Variants in SGCZ observed in about 807,000 individuals in gnomAD.
SGCZ encodes sarcoglycan zeta, also known as zeta-sarcoglycan.
A neutral mutation model predicts 41.3 loss-of-function variants in SGCZ; 40 were observed. The observed-to-expected ratio is 0.97, with a 90% CI of 0.75 to 1.26. SGCZ has a LOEUF of 1.26. SGCZ is among the 50% of genes most tolerant of loss of function. SGCZ has a pLI of 0.00. For synonymous variants in SGCZ, 206 were observed against 137.5 expected (o/e 1.50, Z -3.49); for missense variants, 552 against 369.8 (o/e 1.49, Z -4.04).
At chr8:14,255,350 C>A (rs10088988) in intron 3 of SGCZ, among the ~76,000 whole-genome samples, 2 of 152,042 alleles carry the variant, frequency 1.3e-5, no homozygotes, top group African/African-American at 4.8e-5. Flanking sequence ...CCTGCTCATT[C>A]GAAGATGTTT....
chr8:15,041,574 T>C (rs911660076), intron 1 of SGCZ, among the ~76,000 whole-genome samples: 1 of 152,096 alleles, frequency 6.6e-6, no homozygotes, highest in Non-Finnish European at 1.5e-5. Flanking sequence ...TCATGAGAAG[T>C]ATTTCCTAGT....
At chr8:14,807,259 G>T (rs1295701878) in intron 1 of SGCZ, among the ~76,000 whole-genome samples, 1 of 152,008 alleles carries the variant, frequency 6.6e-6, no homozygotes, top group Non-Finnish European at 1.5e-5. Flanking sequence ...GAAATAAAGG[G>T]TATTCAATTA....
chr8:14,784,719 A>G (rs1800699398), intron 1 of SGCZ, among the ~76,000 whole-genome samples: 1 of 150,658 alleles, frequency 6.6e-6, no homozygotes, highest in Admixed American at 6.7e-5. Flanking sequence ...ACGTGGAGAA[A>G]CCCCGTCTCT....
intron 1 of SGCZ, among the ~76,000 whole-genome samples, chr8:14,646,182 T>G (rs1182256425): frequency 6.6e-6 from 1 of 151,734 alleles, no homozygotes; most frequent in Non-Finnish European, 1.5e-5. Flanking sequence ...CCACAAGTAG[T>G]TTTTCAGCTT....
At chr8:15,060,655 G>A (rs1304719224) in intron 1 of SGCZ, among the ~76,000 whole-genome samples, 4 of 131,770 alleles carry the variant, frequency 3.0e-5, no homozygotes, top group Admixed American at 1.7e-4. Flanking sequence ...ACATGTACCC[G>A]AAAACTTAAA....
chr8:14,593,812 A>T (rs1005009085), intron 1 of SGCZ, among the ~76,000 whole-genome samples: 9 of 152,148 alleles, frequency 5.9e-5, no homozygotes, highest in Non-Finnish European at 2.9e-5. Context: ...TTGAAAGGGT[A>T]CTTATTTGAG....
intron 1 of SGCZ, among the ~76,000 whole-genome samples, chr8:15,151,158 C>A (rs1303808606): frequency 1.3e-5 from 2 of 152,230 alleles, no homozygotes; most frequent in Non-Finnish European, 2.9e-5. Flanking sequence ...CGCCAACCAA[C>A]AACCAACACC....
intron 2 of SGCZ, among the ~76,000 whole-genome samples, chr8:14,536,124 G>A (rs1803289009): frequency 6.6e-6 from 1 of 151,816 alleles, no homozygotes; most frequent in African/African-American, 2.4e-5. Context: ...TCTGCATTTT[G>A]TTTAGCATAT....
In SGCZ at chr8:14,653,922, T is replaced by C. The variant is rs537765568; in HGVS notation, c.40-98996A>G. On this transcript the variant is annotated intron_variant, in intron 1 of 7. Transcript: ENST00000382080. ...TTACTCTGTGATAATTGAACAAGCA[T>C]TTCACCAATTAAAAGACAGATTTGT... Among the ~76,000 whole-genome samples, 108 of 152,242 alleles carry C rather than the reference T, an allele frequency of 7.1e-4. 1 individual carries two copies. In the Middle Eastern group the frequency reaches 0.01, roughly 14 times the overall value.
At chr8:14,160,151 C>T (rs1005021915) in intron 5 of SGCZ, among the ~76,000 whole-genome samples, 2 of 152,202 alleles carry the variant, frequency 1.3e-5, no homozygotes, top group African/African-American at 4.8e-5. Context: ...TATTTAACTG[C>T]TGTCCTCTTT....
intron 1 of SGCZ, among the ~76,000 whole-genome samples, chr8:15,017,879 C>T (rs1394736738): frequency 1.3e-5 from 2 of 152,058 alleles, no homozygotes; most frequent in Non-Finnish European, 2.9e-5. Context: ...CTCACAAATG[C>T]TCTTATCTCT....
intron 2 of SGCZ, among the ~76,000 whole-genome samples, chr8:14,382,593 T>C (rs1490670035): frequency 6.6e-6 from 1 of 152,044 alleles, no homozygotes; most frequent in Non-Finnish European, 1.5e-5. Context: ...TGCCACACAA[T>C]CATTATTGGG....
At chr8:14,284,640 T>G (rs1800562560) in intron 3 of SGCZ, among the ~76,000 whole-genome samples, 1 of 152,200 alleles carries the variant, frequency 6.6e-6, no homozygotes, top group Non-Finnish European at 1.5e-5. Context: ...TTTAAGCCTG[T>G]CTTCTTACTT....
chr8:14,647,095 T>C (rs79890745), intron 1 of SGCZ, among the ~76,000 whole-genome samples: 16,756 of 152,018 alleles, frequency 0.11, 1,096 homozygotes, highest in African/African-American at 0.19. Flanking sequence ...GGACTTGTAC[T>C]GCTGCATACT....
chr8:14,530,605 C>T (rs1400125776), intron 2 of SGCZ, among the ~76,000 whole-genome samples: 1 of 152,038 alleles, frequency 6.6e-6, no homozygotes, highest in Non-Finnish European at 1.5e-5. Flanking sequence ...GTATGGTTCA[C>T]TACTGAATAT....
intron 1 of SGCZ, among the ~76,000 whole-genome samples, chr8:14,838,008 T>C (rs1802760710): frequency 6.6e-6 from 1 of 151,670 alleles, no homozygotes; most frequent in Non-Finnish European, 1.5e-5. Context: ...TATTCAGCCA[T>C]AAAAAAAAGA....
At chr8:14,160,131 T>C (rs374375901) in intron 5 of SGCZ, among the ~76,000 whole-genome samples, 109 of 152,334 alleles carry the variant, frequency 7.2e-4, no homozygotes, top group African/African-American at 2.5e-3. Flanking sequence ...AGATATGCTT[T>C]CTTTTGATAT....
At position 14,925,601 on chromosome 8, in the gene SGCZ, G is replaced by A. The variant is rs562588249; in HGVS notation, c.39+311984C>T. 2.0e-5 allele frequency among the ~76,000 whole-genome samples: 3 copies of A among 152,276 alleles called. No homozygotes were observed. The South Asian group carries it at 6.2e-4, about 32-fold the overall frequency. The stretch of plus-strand genomic sequence containing the variant: ...CGTGTGGGTTGAAAAGACATTAAGT[G>A]TAATGGCAAAAACCACAATTCCTTT... On this transcript the variant is annotated intron_variant, in intron 1 of 7. Transcript: ENST00000382080.
At chr8:14,301,598 G>C (rs995737205) in intron 3 of SGCZ, among the ~76,000 whole-genome samples, 1 of 151,912 alleles carries the variant, frequency 6.6e-6, no homozygotes, top group Non-Finnish European at 1.5e-5. Flanking sequence ...TTCAACTTTG[G>C]TTTCTCTAAT....
Sources: allele counts gnomAD v4.1 joint callset (sites outside exome capture counted in the v4.1 genomes callset), GRCh38; gene constraint gnomAD v4.1.1; transcripts MANE v1.5; gene names NCBI Gene and HGNC (gene_info 2026-07-23, HGNC 2026-07-21).